Variants in PLEC observed in about 807,000 individuals in gnomAD.
PLEC encodes hemidesmosomal protein 1.
In PLEC, 216 loss-of-function variants were observed where a neutral mutation model predicts 392.8. That is an observed-to-expected ratio of 0.55 (90% CI 0.49 to 0.62). The LOEUF (loss-of-function observed/expected upper bound fraction) is 0.62. PLEC is among the 20% of genes least tolerant of loss of function. PLEC has a pLI of 0.00. For synonymous variants in PLEC, 3,621 were observed against 2,980.6 expected (o/e 1.21, Z -7.00); for missense variants, 6,863 against 6,563.4 (o/e 1.05, Z -1.58).
In PLEC at chr8:143,918,670, G is replaced by A. The variant is rs781815870; in HGVS notation, c.11151C>T (p.Ala3717=). ...YQALKKGLLS[A]EVARLLLEAQ... is the part of the protein sequence containing the mutation. ...CCTCCAGCAGCAGGCGGGCCACCTCGGCACTCAGCAGCCCTTTCTTGAGAG... is the reference window on the plus strand; with the variant it reads ...CCTCCAGCAGCAGGCGGGCCACCTCAGCACTCAGCAGCCCTTTCTTGAGAG... Residue 3717 remains alanine (A), a synonymous_variant, in exon 32 of 32, where the codon GCC becomes GCT. Transcript: ENST00000345136. The A allele has an allele frequency of 3.2e-5, 51 of 1,612,696 alleles. No individual in the cohort carries two copies. The highest frequency in any genetic ancestry group is 2.9e-4 in the East Asian group (13 of 44,868).
rs782217583 is a variant in PLEC, at chr8:143,922,591, C to T, written c.7338G>A (p.Glu2446=). The part of the protein sequence containing the change: ...IQRQQSDHDA[E]RLREAIAELE... Reference sequence around the variant, plus strand: ...GCTCAGCGATGGCCTCCCGCAGGCGCTCGGCATCATGGTCACTCTGCTGTC... The same window carrying T: ...GCTCAGCGATGGCCTCCCGCAGGCGTTCGGCATCATGGTCACTCTGCTGTC... The change falls in exon 31 of 32, where the codon GAG becomes GAA. Residue 2446 remains glutamate (E), a synonymous_variant. Coordinates refer to ENST00000345136, the MANE Select transcript of PLEC (RefSeq NM_201384.3). The T allele has an allele frequency of 1.2e-6, 2 of 1,613,656 alleles. No individual in the cohort carries two copies. Among genetic ancestry groups the T allele is most frequent in the East Asian group, 2.2e-5 (1 of 44,880 alleles).
Position 143,931,883 on chromosome 8 carries a change from G to A in PLEC, c.2178+54C>T, listed in dbSNP as rs1261648591. Reference sequence around the variant, plus strand: ...ATTGGAGCTGCCGAGGGGGTCCAGGGGCTCCTGCAAGGCTGCCGCTGAGCC... The same window carrying A: ...ATTGGAGCTGCCGAGGGGGTCCAGGAGCTCCTGCAAGGCTGCCGCTGAGCC... On this transcript the variant is annotated intron_variant, in intron 18 of 31. Coordinates refer to ENST00000345136, the MANE Select transcript of PLEC (RefSeq NM_201384.3). 12 of 1,510,506 alleles carry A rather than the reference G, an allele frequency of 7.9e-6. No homozygotes were observed. In the African/African-American group the frequency reaches 1.2e-4, roughly 15 times the overall value. 93.6% of individuals were successfully genotyped at this position (1,510,506 alleles called of 1,614,324 possible). A position where few individuals can be genotyped will look rare whatever the true frequency, so the allele number is the denominator to read the frequency against.
intron 3 of PLEC, among the ~76,000 whole-genome samples, 192 bp downstream of exon 3, chr8:143,937,959 G>A (rs373302538): frequency 2.6e-5 from 4 of 152,180 alleles, no homozygotes; most frequent in Admixed American, 6.5e-5. Context: ...CCAGGCCCTC[G>A]GCTGTGATGC....
In PLEC at chr8:143,937,036, A is replaced by C. The variant is rs6993938; in HGVS notation, c.378T>G (p.Ala126=). ...KLVNIRNDDI[A]DGNPKLTLGL... ...CAAGGGTCAGCTTGGGGTTGCCGTC[A>C]GCGATGTCATCATTCCTGATGTTCA... The change falls in exon 5 of 32, where the codon GCT becomes GCG. Residue 126 remains alanine, a synonymous_variant. Coordinates refer to ENST00000345136, the MANE Select transcript of PLEC (RefSeq NM_201384.3). 4.2e-3 allele frequency: 6,777 copies of C among 1,612,786 alleles called. 21 individuals carry two copies. The highest frequency in any genetic ancestry group is 5.4e-3 in the Non-Finnish European group (6,401 of 1,179,616).
Position 143,925,622 on chromosome 8 carries a change from T to A in PLEC, c.4307A>T (p.Lys1436Met). 1 of 1,583,344 alleles carries A rather than the reference T, an allele frequency of 6.3e-7. No individual in the cohort carries two copies. The highest frequency in any genetic ancestry group is 8.5e-7 in the Non-Finnish European group (1 of 1,172,192). ...RQSSEAEIQA[K>M]ARQAEAAERS... ...CTCAGCCGCCTCTGCCTGCCGGGCC[T>A]TGGCCTGGATCTCCGCCTCCGAGCT... Residue 1436 changes from lysine to methionine, a missense_variant, in exon 31 of 32, where the codon AAG (lysine) becomes ATG (methionine). By Grantham distance (95) the Lys-to-Met change is moderately conservative. Coordinates refer to ENST00000345136, the MANE Select transcript of PLEC (RefSeq NM_201384.3).
intron 1 of PLEC, among the ~76,000 whole-genome samples, chr8:143,968,636 T>C (rs7834584): frequency 0.032 from 4,861 of 150,878 alleles, 260 homozygotes; most frequent in African/African-American, 0.11. Flanking sequence ...ATCTAGAATA[T>C]ATAAAGAACA....
rs1554682959 is a variant in PLEC at position 143,920,785 on chromosome 8, C to T, written c.9036G>A (p.Glu3012=). The change falls in exon 32 of 32, where the codon GAG becomes GAA. Residue 3012 remains glutamate (E), a synonymous_variant. Transcript: ENST00000345136. The stretch of plus-strand genomic sequence containing the variant: ...GGAGAGCCCGCCGCACAGTGTCCAC[C>T]TCGGCTACGTCTCGCACAGAGCGCT... ...RGERSVRDVA[E]VDTVRRALRG... 2 of 1,607,142 alleles carry T rather than the reference C, an allele frequency of 1.2e-6. No individual in the cohort carries two copies. Among genetic ancestry groups the T allele is most frequent in the Admixed American group, 1.7e-5 (1 of 60,002 alleles).
At position 143,935,960 on chromosome 8, in the gene PLEC, G is replaced by A. The variant is rs1554722945; in HGVS notation, c.490C>T (p.Leu164=). 6.2e-7 allele frequency: 1 copy of A among 1,612,880 alleles called. No homozygotes were observed. The highest frequency in any genetic ancestry group is 1.1e-5 in the South Asian group (1 of 91,080). ...ACCATTCGCTGCGACCACAGCAGCA[G>A]CTTCTCCTTGGCCGTCATGTCCTCC... ...QSEDMTAKEK[L]LLWSQRMVEG... Residue 164 remains leucine, a synonymous_variant, in exon 6 of 32, where the codon CTG becomes TTG. Transcript: ENST00000345136.
chr8:143,971,135 G>T (rs963520517), intron 1 of PLEC, among the ~76,000 whole-genome samples: 14 of 152,210 alleles, frequency 9.2e-5, no homozygotes, highest in Non-Finnish European at 1.9e-4. Flanking sequence ...CCAGGGGAGG[G>T]TCTGAGACGT....
chr8:143,941,763 C>G (rs1483134695), upstream of PLEC, among the ~76,000 whole-genome samples: 2 of 145,020 alleles, frequency 1.4e-5, no homozygotes, highest in Non-Finnish European at 3.0e-5. Context: ...CCACCCTCTA[C>G]AGCTGCAGCT....
In PLEC at chr8:143,917,583, G is replaced by A. The variant is rs1554672504; in HGVS notation, c.12238C>T (p.Leu4080=). The change falls in exon 32 of 32, where the codon CTG becomes TTG. Residue 4080 remains leucine, a synonymous_variant. Transcript: ENST00000345136. ...GLFDEEMNEI[L]TDPSDDTKGF... is the part of the protein sequence containing the mutation. The stretch of plus-strand genomic sequence containing the variant: ...TTGGTGTCGTCCGAGGGGTCGGTCA[G>A]GATCTCGTTCATCTCCTCATCGAAG... The A allele has an allele frequency of 6.2e-7, 1 of 1,613,902 alleles. No homozygotes were observed. Among genetic ancestry groups the A allele is most frequent in the Admixed American group, 1.7e-5 (1 of 60,030 alleles).
intron 1 of PLEC, among the ~76,000 whole-genome samples, chr8:143,962,810 GCT>G (rs1832929263): frequency 6.6e-6 from 1 of 152,206 alleles, no homozygotes; most frequent in Non-Finnish European, 1.5e-5. Flanking sequence ...GTGTGGCTTG[GCT>G]GCTTCTTGCT....
At position 143,935,110 on chromosome 8, in the gene PLEC, A is replaced by G. The variant is rs1554721921; in HGVS notation, c.726T>C (p.Asp242=). The G allele has an allele frequency of 6.2e-7, 1 of 1,612,980 alleles. No homozygotes were observed. The highest frequency in any genetic ancestry group is 2.2e-5 in the East Asian group (1 of 44,878). The change falls in exon 8 of 32, where the codon GAT becomes GAC. Residue 242 remains aspartate, a synonymous_variant. Transcript: ENST00000345136. ...VTRLLDPEDV[D]VPQPDEKSII... ...TGGACTTCTCGTCGGGCTGAGGGAC[A>G]TCCACGTCTGCAGGGAAGGGCAGCT... is the stretch of plus-strand genomic sequence containing the variant.
At position 143,927,329 on chromosome 8, in the gene PLEC, G is replaced by T; in HGVS notation, c.3763C>A (p.Leu1255Met). 6.2e-7 allele frequency: 1 copy of T among 1,612,996 alleles called. No homozygotes were observed. The highest frequency in any genetic ancestry group is 1.3e-5 in the African/African-American group (1 of 75,054). ...TCGCCGTGGCGCTCGATCTCCTCCA[G>T]CAGGGCCTGGGTGATGGTGTGGTCA... ...REQLRQEQALLEEIERHGEKV... is the reference protein window; with the variant it reads ...REQLRQEQALMEEIERHGEKV... The change falls in exon 28 of 32, where the codon CTG becomes ATG. Residue 1255 changes from leucine to methionine, a missense_variant. Transcript: ENST00000345136.
In PLEC at chr8:143,935,237, C is replaced by A; in HGVS notation, c.679G>T (p.Glu227Ter). 1.9e-6 allele frequency: 3 copies of A among 1,612,510 alleles called. No homozygotes were observed. The highest frequency in any genetic ancestry group is 2.5e-6 in the Non-Finnish European group (3 of 1,179,962). The change falls in exon 7 of 32, where the codon GAG (glutamate) becomes TAG (stop). Residue 227 changes from glutamate (E) to a stop codon, truncating the protein, a stop_gained. Transcript: ENST00000345136. LOFTEE classifies it high-confidence loss of function. The stretch of plus-strand genomic sequence containing the variant: ...AGCCGCGTCACTCCCAGGTCCCGCT[C>A]CGCCACAGAGAAGGCCTGGTCCAGG... ...ENLDQAFSVA[E>*]RDLGVTRLLD...
chr8:143,942,658 T>A, upstream of PLEC: 1 of 1,093,224 alleles, frequency 9.1e-7, no homozygotes, highest in Non-Finnish European at 1.2e-6. Context: ...ATCCGCCCAC[T>A]GCGGGAGCGA....
chr8:143,921,051 T>G lies in PLEC; in HGVS notation c.8770A>C (p.Ile2924Leu). The G allele has an allele frequency of 6.2e-7, 1 of 1,612,378 alleles. No homozygotes were observed. Among genetic ancestry groups the G allele is most frequent in the Non-Finnish European group, 8.5e-7 (1 of 1,180,028 alleles). ...TATTCCGAGTTGATGATCTCCCAAA[T>G]GGTCACCGTCTTGCCCTGGAACTTG... The part of the protein sequence containing the change: ...FGKFQGKTVT[I>L]WEIINSEYFT... The change falls in exon 32 of 32, where the codon ATT becomes CTT. Residue 2924 changes from isoleucine to leucine, a missense_variant. Coordinates refer to ENST00000345136, the MANE Select transcript of PLEC (RefSeq NM_201384.3).
intron 20 of PLEC, 27 bp downstream of exon 20, chr8:143,930,357 C>G: frequency 6.3e-7 from 1 of 1,578,224 alleles, no homozygotes; most frequent in Non-Finnish European, 8.6e-7. Context: ...GGCCACGCCC[C>G]CCAGTGGACC....
Position 143,930,876 on chromosome 8 carries a change from G to A in PLEC, c.2305-340C>T, listed in dbSNP as rs143135692. On this transcript the variant is annotated intron_variant, in intron 19 of 31. Transcript: ENST00000345136. Reference sequence around the variant, plus strand: ...GCCTCCTCCCATCCCACCCCTCTGCGGGGGCCAGGCCGCAGGACGGCACAC... The same window carrying A: ...GCCTCCTCCCATCCCACCCCTCTGCAGGGGCCAGGCCGCAGGACGGCACAC... 5.9e-5 allele frequency among the ~76,000 whole-genome samples: 9 copies of A among 152,216 alleles called. No individual in the cohort carries two copies. The East Asian group carries it at 1.4e-3, about 23-fold the overall frequency.
Sources: gnomAD v4.1 joint callset for allele counts (sites outside exome capture counted in the v4.1 genomes callset) on GRCh38, gnomAD v4.1.1 for gene constraint, MANE v1.5 for transcripts, NCBI Gene and HGNC (gene_info 2026-07-23, HGNC 2026-07-21) for gene names.